The following GON4L variants were observed in gnomAD, a reference collection of about 807,000 sequenced individuals.
The protein encoded by GON4L is gon-4 like.
Under a neutral mutation model 211.8 loss-of-function variants are expected in GON4L, and 87 were observed. The observed-to-expected ratio is 0.41, with a 90% CI of 0.35 to 0.49. GON4L has a LOEUF of 0.49. Ranked by LOEUF, GON4L falls within the 20% of genes least tolerant of loss-of-function variation. The pLI, the probability that GON4L is intolerant of heterozygous loss-of-function variation, is 0.15. For synonymous variants in GON4L, 875 were observed against 962.6 expected, an observed-to-expected ratio of 0.91 and a Z score of 1.68; for missense variants, 2,155 against 2,659.5, an observed-to-expected ratio of 0.81 and a Z score of 4.17.
Position 155,750,387 on chromosome 1 carries a change from A to G in GON4L, c.*197T>C. ...CAGAGGACATCTGTAAAGTCTTCAT[A>G]AAAGACCTTGAATGATGCCTAGGAT... On this transcript the variant is annotated 3_prime_UTR_variant, in exon 32 of 32. Coordinates refer to ENST00000368331, the MANE Select transcript of GON4L (RefSeq NM_001282860.2). 1 of 632,852 alleles carries G rather than the reference A, an allele frequency of 1.6e-6. No homozygotes were observed. The highest frequency in any genetic ancestry group is 2.8e-6 in the Non-Finnish European group (1 of 353,902). 39.2% of individuals were successfully genotyped at this position (632,852 alleles called of 1,614,324 possible).
intron 12 of GON4L, among the ~76,000 whole-genome samples, chr1:155,793,244 T>C (rs916694023): frequency 5.3e-5 from 8 of 152,168 alleles, no homozygotes; most frequent in Non-Finnish European, 1.0e-4. Flanking sequence ...TGTCATAGTA[T>C]ATCAAAATAA....
rs1303570571 is a variant in GON4L, at chr1:155,816,202, C to G, written c.1065+10G>C. The stretch of plus-strand genomic sequence containing the variant: ...TGGAAAAGAATAACAATTATTTCTT[C>G]CAAGTTTACCTTAATTTCATTGGCC... On this transcript the variant is annotated intron_variant, in intron 7 of 31. Coordinates refer to ENST00000368331, the MANE Select transcript of GON4L (RefSeq NM_001282860.2). 1.6e-6 allele frequency: 2 copies of G among 1,282,916 alleles called. No homozygotes were observed. Among genetic ancestry groups the G allele is most frequent in the Non-Finnish European group, 2.3e-6 (2 of 880,894 alleles). The allele number at this position is 1,282,916 out of a possible 1,614,324, so 79.5% of individuals were successfully genotyped here.
chr1:155,821,222 C>T (rs546199151), intron 5 of GON4L, among the ~76,000 whole-genome samples: 1 of 151,008 alleles, frequency 6.6e-6, no homozygotes, highest in East Asian at 2.0e-4. Context: ...GCCAAGATCG[C>T]GCCACTGCGC....
At chr1:155,811,955 C>T (rs879863235) in intron 10 of GON4L, among the ~76,000 whole-genome samples, 2 of 149,416 alleles carry the variant, frequency 1.3e-5, no homozygotes, top group Non-Finnish European at 3.0e-5. Flanking sequence ...AGGAGGCTAA[C>T]GCAGGAGAAT....
At chr1:155,848,557 A>G (rs1671465929) in intron 2 of GON4L, among the ~76,000 whole-genome samples, 1 of 152,176 alleles carries the variant, frequency 6.6e-6, no homozygotes, top group Non-Finnish European at 1.5e-5. Context: ...ATGTTTGCAG[A>G]ATATGTTATT....
chr1:155,748,083 C>T (rs1660307169), downstream of GON4L: 3 of 1,609,212 alleles, frequency 1.9e-6, no homozygotes, highest in South Asian at 2.2e-5. Flanking sequence ...GAGCCTGGGC[C>T]TGCGACCTGA....
chr1:155,820,496 T>C, intron 6 of GON4L, 110 bp downstream of exon 6: 1 of 747,278 alleles, frequency 1.3e-6, no homozygotes, highest in East Asian at 2.6e-5. Context: ...AATATTTCTT[T>C]AAAGAGGCAA....
chr1:155,770,516 C>A (rs1663085136), intron 19 of GON4L, among the ~76,000 whole-genome samples: 1 of 152,130 alleles, frequency 6.6e-6, no homozygotes, highest in Non-Finnish European at 1.5e-5. Flanking sequence ...GATGATAGAG[C>A]AAGAACCCGT....
At chr1:155,831,498 T>TAAAAAAAA (rs966591198) in intron 2 of GON4L, 2 of 120,174 alleles carry the variant, frequency 1.7e-5, no homozygotes, top group African/African-American at 2.8e-5. Flanking sequence ...AATAAATAAA[T>TAAAAAAAA]AAAAAGTTAT....
chr1:155,830,804 T>C (rs1669691303), intron 2 of GON4L, among the ~76,000 whole-genome samples: 1 of 151,972 alleles, frequency 6.6e-6, no homozygotes, highest in Non-Finnish European at 1.5e-5. Context: ...CCAAGTCTGG[T>C]CTTGAACTCC....
At chr1:155,820,056 G>C (rs1185005224) in intron 6 of GON4L, among the ~76,000 whole-genome samples, 4 of 152,146 alleles carry the variant, frequency 2.6e-5, no homozygotes, top group Non-Finnish European at 2.9e-5. Context: ...TGGGATTATA[G>C]GCGCACACCA....
At chr1:155,773,755 T>G (rs1202793557) in intron 17 of GON4L, among the ~76,000 whole-genome samples, 1 of 152,192 alleles carries the variant, frequency 6.6e-6, no homozygotes, top group African/African-American at 2.4e-5. Context: ...TCTCCCTCTC[T>G]CAGCCTCTCA....
Position 155,763,364 on chromosome 1 carries a change from A to T in GON4L, c.4674T>A (p.Thr1558=). Residue 1558 remains threonine (T), a synonymous_variant, in exon 22 of 32, where the codon ACT becomes ACA. Coordinates refer to ENST00000368331, the MANE Select transcript of GON4L (RefSeq NM_001282860.2). ...AVGDSAEKPP[T]FASPETAPEV... ...CTGGAGCAGTCTCAGGTGAAGCAAA[A>T]GTAGGAGGCTTCTCAGCAGAGTCTC... 1 of 1,613,670 alleles carries T rather than the reference A, an allele frequency of 6.2e-7. No individual in the cohort carries two copies. The highest frequency in any genetic ancestry group is 2.2e-5 in the East Asian group (1 of 44,874).
chr1:155,784,961 T>G (rs1664799393), intron 13 of GON4L: 1 of 348,424 alleles, frequency 2.9e-6, no homozygotes, highest in African/African-American at 2.1e-5. Context: ...AATAAAATAA[T>G]TAGCTGGGTG....
intron 27 of GON4L, chr1:155,756,601 T>C (rs1219485732): frequency 6.2e-5 from 14 of 227,598 alleles, no homozygotes; most frequent in African/African-American, 1.4e-4. Flanking sequence ...TCATGAAACA[T>C]AGATAATTTT....
chr1:155,782,461 T>A (rs1206148558), intron 14 of GON4L, among the ~76,000 whole-genome samples: 1 of 152,190 alleles, frequency 6.6e-6, no homozygotes, highest in Non-Finnish European at 1.5e-5. Flanking sequence ...GAGCAATATG[T>A]TATACCGTAT....
At chr1:155,830,327 G>A (rs1345271635) in intron 2 of GON4L, among the ~76,000 whole-genome samples, 1 of 151,202 alleles carries the variant, frequency 6.6e-6, no homozygotes, top group Non-Finnish European at 1.5e-5. Context: ...GCCTAAGCTG[G>A]AGTGCAATGG....
Position 155,752,330 on chromosome 1 carries a change from C to T in GON4L, c.6103G>A (p.Ala2035Thr). The T allele has an allele frequency of 3.8e-6, 6 of 1,595,820 alleles. No homozygotes were observed. Among genetic ancestry groups the T allele is most frequent in the Non-Finnish European group, 5.2e-6 (6 of 1,164,846 alleles). The change falls in exon 30 of 32, where the codon GCA (alanine) becomes ACA (threonine). Residue 2035 changes from alanine to threonine, a missense_variant. Ala to Thr is a moderately conservative substitution (Grantham distance 58). This residue lies in a region of GON4L where 186 missense variants were observed against 308.1 expected (regional missense o/e 0.60). Coordinates refer to ENST00000368331, the MANE Select transcript of GON4L (RefSeq NM_001282860.2). ...ESEALMLVWDASETEKLPGTV... is the reference protein window; with the variant it reads ...ESEALMLVWDTSETEKLPGTV... ...CCAGGCAATTTCTCAGTTTCTGATG[C>T]ATCCCAGACCAGCATCAAAGCCTCT...
chr1:155,812,145 GAAAA>G, intron 10 of GON4L, among the ~76,000 whole-genome samples: 1 of 152,188 alleles, frequency 6.6e-6, no homozygotes, highest in Admixed American at 6.5e-5. Flanking sequence ...TTTACAATGG[GAAAA>G]CCAAGCACAC....
Sources: gnomAD v4.1 joint callset for allele counts (sites outside exome capture counted in the v4.1 genomes callset) on GRCh38, gnomAD v4.1.1 for gene constraint, gnomAD v4.1.1 regional missense constraint, MANE v1.5 for transcripts, NCBI Gene and HGNC (gene_info 2026-07-23, HGNC 2026-07-21) for gene names.